MED29: variants seen among roughly 807,000 people sequenced by gnomAD.
MED29 encodes the protein mediator of RNA polymerase II transcription subunit 29.
A neutral mutation model predicts 22.0 loss-of-function variants in MED29; 14 were observed. The ratio of observed to expected loss-of-function variants is 0.64; its 90% CI spans 0.42 to 0.99. The LOEUF (loss-of-function observed/expected upper bound fraction) is 0.99. Among genes scored for constraint, MED29 ranks in the 50% least tolerant of loss-of-function variants. The pLI, the probability that MED29 is intolerant of heterozygous loss-of-function variation, is 0.00. For missense variants in MED29, 241 were observed against 253.7 expected (o/e 0.95, Z 0.34); for synonymous variants, 123 against 107.8 (o/e 1.14, Z -0.87).
intron 1 of MED29, 66 bp downstream of exon 1, chr19:39,391,704 A>G (rs1002312358): frequency 3.7e-5 from 55 of 1,498,136 alleles, no homozygotes; most frequent in Middle Eastern, 1.8e-4. Context: ...GCCGAGGGCC[A>G]GGTTAGTCGG....
Position 39,397,683 on chromosome 19 carries a change from C to A in MED29, c.587C>A (p.Pro196His). The A allele has an allele frequency of 6.2e-7, 1 of 1,609,870 alleles. No homozygotes were observed. Among genetic ancestry groups the A allele is most frequent in the Non-Finnish European group, 8.5e-7 (1 of 1,179,682 alleles). The change falls in exon 4 of 4, where the codon CCT becomes CAT. Residue 196 changes from proline (P) to histidine (H), a missense_variant. By Grantham distance (77) the Pro-to-His change is moderately conservative. Coordinates refer to ENST00000315588, the MANE Select transcript of MED29 (RefSeq NM_017592.4). ...AAGACACCCGCACCACCTGCTGGCCCTGGGGGCACTCTGTGAAGTGGGGGA... is the reference window on the plus strand; with the variant it reads ...AAGACACCCGCACCACCTGCTGGCCATGGGGGCACTCTGTGAAGTGGGGGA... The part of the protein sequence containing the change: ...TGKTPAPPAG[P>H]GGTL
rs1296891922 is a variant in MED29 at position 39,397,897 on chromosome 19, C to A, written c.*198C>A. ...TCCCTGCCCCTTCTTCCTGCTCCCC[C>A]TCCTAGCCTAGGGTAGACTTTGAAC... On this transcript the variant is annotated 3_prime_UTR_variant, in exon 4 of 4. Coordinates refer to ENST00000315588, the MANE Select transcript of MED29 (RefSeq NM_017592.4). 5.9e-6 allele frequency: 5 copies of A among 842,082 alleles called. No individual in the cohort carries two copies. In the Admixed American group the frequency reaches 8.7e-5, roughly 15 times the overall value. 52.2% of individuals were successfully genotyped at this position (842,082 alleles called of 1,614,324 possible).
intron 3 of MED29, among the ~76,000 whole-genome samples, chr19:39,394,712 C>T (rs2078419077): frequency 6.6e-6 from 1 of 150,460 alleles, no homozygotes; most frequent in Non-Finnish European, 1.5e-5. Flanking sequence ...TACAGGCACG[C>T]ACCACCACGC....
rs142198224 is a variant in MED29 at position 39,393,081 on chromosome 19, C to CTT, written c.276-441_276-440dup. Among the ~76,000 whole-genome samples the CTT allele has an allele frequency of 2.9e-3, 102 of 34,720 alleles. 4 individuals carry two copies. The highest frequency in any genetic ancestry group is 4.3e-3 in the Non-Finnish European group (78 of 18,156). 22.8% of individuals were successfully genotyped at this position (34,720 alleles called of 152,430 possible). ...TTTTCTTTCTTTCTTTCTTTCTTTT[C>CTT]TTTTTTTTTTTTTTTTTTTTTTTTT... is the stretch of plus-strand genomic sequence containing the variant. On this transcript the variant is annotated intron_variant, in intron 2 of 3. Transcript: ENST00000315588.
At position 39,397,981 on chromosome 19, in the gene MED29, G is replaced by C; in HGVS notation, c.*282G>C. 1.8e-6 allele frequency: 1 copy of C among 560,256 alleles called. No individual in the cohort carries two copies. Among genetic ancestry groups the C allele is most frequent in the Non-Finnish European group, 3.1e-6 (1 of 317,558 alleles). 34.7% of individuals were successfully genotyped at this position (560,256 alleles called of 1,614,324 possible). On this transcript the variant is annotated 3_prime_UTR_variant, in exon 4 of 4. Coordinates refer to ENST00000315588, the MANE Select transcript of MED29 (RefSeq NM_017592.4). ...CCTCCCCCATTCTTGCCTGGGTGTG[G>C]AGCCCTGGCTGTCCCCTCTCCCTCA...
In MED29 at chr19:39,398,329, G is replaced by T; in HGVS notation, c.*630G>T. The T allele has an allele frequency of 6.5e-6, 1 of 154,540 alleles. No individual in the cohort carries two copies. The highest frequency in any genetic ancestry group is 1.4e-5 in the Non-Finnish European group (1 of 69,240). 9.6% of individuals were successfully genotyped at this position (154,540 alleles called of 1,614,324 possible). On this transcript the variant is annotated 3_prime_UTR_variant, in exon 4 of 4. Transcript: ENST00000315588. ...GAGTCCCCCAGCGGCTCGCATGTCA[G>T]CCCAGACCCCAGGGTCCTTGGCCTA...
intron 2 of MED29, 150 bp from the exon 3 acceptor site, chr19:39,393,403 C>A: frequency 1.4e-6 from 1 of 720,462 alleles, no homozygotes; most frequent in Non-Finnish European, 2.3e-6. Context: ...GCCTCCTTTT[C>A]TTTTTTTTTG....
intron 2 of MED29, 28 bp downstream of exon 2, chr19:39,392,550 T>C (rs2145948797): frequency 6.3e-7 from 1 of 1,591,908 alleles, no homozygotes; most frequent in Non-Finnish European, 8.6e-7. Flanking sequence ...TACCAGGATA[T>C]TCTATTGCCT....
chr19:39,391,408 G>C lies in MED29; in HGVS notation c.-15G>C. 6.2e-7 allele frequency: 1 copy of C among 1,610,020 alleles called. No homozygotes were observed. Among genetic ancestry groups the C allele is most frequent in the Middle Eastern group, 1.7e-4 (1 of 6,040 alleles). On this transcript the variant is annotated 5_prime_UTR_variant, in exon 1 of 4. Coordinates refer to ENST00000315588, the MANE Select transcript of MED29 (RefSeq NM_017592.4). ...ACGCAGTCGTAACGCACTTCCGGCGGTCTACGCGAGGAAGATGGCTGCATC... is the reference window on the plus strand; with the variant it reads ...ACGCAGTCGTAACGCACTTCCGGCGCTCTACGCGAGGAAGATGGCTGCATC...
intron 3 of MED29, among the ~76,000 whole-genome samples, chr19:39,396,066 T>C (rs987125599): frequency 6.6e-6 from 1 of 152,108 alleles, no homozygotes; most frequent in Non-Finnish European, 1.5e-5. Flanking sequence ...TGCGTGGGTG[T>C]GACAGCCCTG....
intron 3 of MED29, among the ~76,000 whole-genome samples, chr19:39,396,680 C>A (rs189086755): frequency 2.9e-4 from 44 of 150,360 alleles, no homozygotes; most frequent in Admixed American, 2.9e-3. Flanking sequence ...GAGCCAAGAT[C>A]GTGCTACTGC....
chr19:39,393,076 CTTTTCTTTTTTT>C (rs2078406159), intron 2 of MED29, among the ~76,000 whole-genome samples: 2 of 55,298 alleles, frequency 3.6e-5, no homozygotes, highest in East Asian at 4.9e-4. Context: ...TTCTTTCTTT[CTTTTCTTTTTTT>C]TTTTTTTTTT....
chr19:39,393,410 T>C, intron 2 of MED29, 143 bp from the exon 3 acceptor site: 1 of 761,706 alleles, frequency 1.3e-6, no homozygotes, highest in Non-Finnish European at 2.2e-6. Context: ...TTTCTTTTTT[T>C]TTGAACCCCT....
chr19:39,393,423 G>T, intron 2 of MED29, 130 bp from the exon 3 acceptor site: 1 of 839,874 alleles, frequency 1.2e-6, no homozygotes. Flanking sequence ...GAACCCCTCC[G>T]GTTTTCAACC....
intron 3 of MED29, among the ~76,000 whole-genome samples, chr19:39,395,098 C>G (rs774639209): frequency 6.6e-6 from 1 of 152,176 alleles, no homozygotes; most frequent in Non-Finnish European, 1.5e-5. Flanking sequence ...AAGCAATTCA[C>G]CCACCTCAGC....
chr19:39,392,478 T>G lies in MED29; in HGVS notation c.231T>G (p.Val77=). 1 of 1,614,064 alleles carries G rather than the reference T, an allele frequency of 6.2e-7. No homozygotes were observed. The highest frequency in any genetic ancestry group is 8.5e-7 in the Non-Finnish European group (1 of 1,180,004). The change falls in exon 2 of 4, where the codon GTT becomes GTG. Residue 77 remains valine, a synonymous_variant. Transcript: ENST00000315588. ...GTTTTGACTAGACCTTGATGAAGGT[T>G]GCGGCCCAAAACTTGATTCAGAACA... ...LKESLQTLMK[V]AAQNLIQNTN...
intron 1 of MED29, among the ~76,000 whole-genome samples, chr19:39,392,070 C>T (rs964879445): frequency 6.6e-6 from 1 of 152,130 alleles, no homozygotes; most frequent in Admixed American, 6.5e-5. Flanking sequence ...TCTGCGAGAC[C>T]TAAGCGAAGC....
chr19:39,396,195 T>A (rs4803234), intron 3 of MED29, among the ~76,000 whole-genome samples: 2 of 152,328 alleles, frequency 1.3e-5, no homozygotes, highest in South Asian at 4.1e-4. Flanking sequence ...AACTCCAGCA[T>A]TTTGGGAGCC....
chr19:39,391,461 A>T lies in MED29; in HGVS notation c.39A>T (p.Ser13=). The change falls in exon 1 of 4, where the codon TCA becomes TCT. Residue 13 remains serine (S), a synonymous_variant. Coordinates refer to ENST00000315588, the MANE Select transcript of MED29 (RefSeq NM_017592.4). ...ASQQQASAAS[S]AAGVSGPSSA... ...AGCAGCAAGCTTCAGCGGCTTCCTCAGCTGCTGGTGTATCGGGTCCTAGTT... is the reference window on the plus strand; with the variant it reads ...AGCAGCAAGCTTCAGCGGCTTCCTCTGCTGCTGGTGTATCGGGTCCTAGTT... 6.2e-7 allele frequency: 1 copy of T among 1,613,512 alleles called. No individual in the cohort carries two copies. Among genetic ancestry groups the T allele is most frequent in the Non-Finnish European group, 8.5e-7 (1 of 1,179,788 alleles).
Sources: allele counts gnomAD v4.1 joint callset (sites outside exome capture counted in the v4.1 genomes callset), GRCh38; gene constraint gnomAD v4.1.1; transcripts MANE v1.5; gene names NCBI Gene and HGNC (gene_info 2026-07-23, HGNC 2026-07-21).